DLEC1: variants seen among roughly 807,000 people sequenced by gnomAD.
The protein encoded by DLEC1 is DLEC1 cilia and flagella associated protein.
Under a neutral mutation model 198.1 loss-of-function variants are expected in DLEC1, and 146 were observed. That is an observed-to-expected ratio of 0.74 (90% confidence interval 0.64 to 0.85). The LOEUF (loss-of-function observed/expected upper bound fraction) is 0.85, where lower values mean the gene tolerates loss of function less well. Ranked by LOEUF, DLEC1 falls within the 40% of genes least tolerant of loss-of-function variation. The pLI is 0.00. For synonymous variants in DLEC1, 897 were observed against 866.8 expected (o/e 1.03, Z -0.61); for missense variants, 2,233 against 2,220.0 (o/e 1.01, Z -0.12).
chr3:38,041,847 C>CA (rs751455053), intron 1 of DLEC1, among the ~76,000 whole-genome samples: 6,919 of 71,232 alleles, frequency 0.097, 290 homozygotes, highest in Middle Eastern at 0.13. Context: ...GACTCCGTTT[C>CA]AAAAAAAAAA....
chr3:38,039,454 C>T lies in DLEC1; in HGVS notation c.229C>T (p.Pro77Ser). 1.9e-6 allele frequency: 3 copies of T among 1,613,978 alleles called. No homozygotes were observed. Among genetic ancestry groups the T allele is most frequent in the Non-Finnish European group, 2.5e-6 (3 of 1,179,864 alleles). The change falls in exon 1 of 37, where the codon CCT (proline) becomes TCT (serine). Residue 77 changes from proline to serine, a missense_variant. Transcript: ENST00000308059. ...GCTTGCGCTGGCGCAGCGTCCCGAG[C>T]CTCAGCTGCTTCGTCTGCGCCCCTC... ...TQLALAQRPEPQLLRLRPSSL... is the reference protein window; with the variant it reads ...TQLALAQRPESQLLRLRPSSL...
chr3:38,100,137 C>T (rs991265078), intron 18 of DLEC1, 149 bp from the exon 19 acceptor site: 3 of 921,414 alleles, frequency 3.3e-6, no homozygotes, highest in Non-Finnish European at 4.7e-6. Context: ...TGTGGTCCCC[C>T]ACCTGCTTGC....
At chr3:38,092,677 A>G in intron 10 of DLEC1, 113 bp from the exon 11 acceptor site, 1 of 953,786 alleles carries the variant, frequency 1.0e-6, no homozygotes, top group Non-Finnish European at 1.7e-6. Flanking sequence ...AGGGAGGGGA[A>G]CAGAGAGTGA....
At chr3:38,084,328 T>C (rs1698240215) in intron 7 of DLEC1, 83 bp downstream of exon 7, 1 of 1,231,832 alleles carries the variant, frequency 8.1e-7, no homozygotes, top group East Asian at 2.4e-5. Flanking sequence ...GTGGTGGTAG[T>C]AATGGTAGCA....
intron 8 of DLEC1, 93 bp downstream of exon 8, chr3:38,085,540 C>G: frequency 2.0e-6 from 3 of 1,489,196 alleles, no homozygotes; most frequent in Non-Finnish European, 2.7e-6. Flanking sequence ...TGTATCAGCA[C>G]ACAGCTTGGC....
intron 7 of DLEC1, 125 bp downstream of exon 7, chr3:38,084,370 T>C: frequency 6.2e-6 from 5 of 810,062 alleles, no homozygotes; most frequent in South Asian, 3.2e-5. Flanking sequence ...GTAGTAGTAG[T>C]AGTGATGGTG....
intron 10 of DLEC1, among the ~76,000 whole-genome samples, chr3:38,088,671 T>A (rs991453574): frequency 6.6e-6 from 1 of 152,210 alleles, no homozygotes; most frequent in African/African-American, 2.4e-5. Flanking sequence ...ATGTCCAAGC[T>A]GCCTCCAAGA....
chr3:38,123,271 GCACA>G lies in DLEC1; in HGVS notation c.*865_*868del. 1 of 692,422 alleles carries G rather than the reference GCACA, an allele frequency of 1.4e-6. No homozygotes were observed. Among genetic ancestry groups the G allele is most frequent in the Non-Finnish European group, 2.5e-6 (1 of 392,484 alleles). 42.9% of individuals were successfully genotyped at this position (692,422 alleles called of 1,614,324 possible). A position where few individuals can be genotyped will look rare whatever the true frequency, so the allele number is the denominator to read the frequency against. On this transcript the variant is annotated 3_prime_UTR_variant, in exon 37 of 37. Coordinates refer to ENST00000308059, the MANE Select transcript of DLEC1 (RefSeq NM_007335.4). ...AGCGGTACCCTGGCCTCCCACTTGG[GCACA>G]CACACGGTGACAGATGCCCACTGCA...
intron 5 of DLEC1, among the ~76,000 whole-genome samples, chr3:38,063,339 T>C (rs1696797574): frequency 6.6e-6 from 1 of 152,180 alleles, no homozygotes; most frequent in Non-Finnish European, 1.5e-5. Flanking sequence ...GGCATGCACC[T>C]GTGATCCCAG....
Position 38,094,883 on chromosome 3 carries a change from G to T in DLEC1, c.1924G>T (p.Val642Leu), listed in dbSNP as rs201339562. 3.5e-4 allele frequency: 565 copies of T among 1,613,814 alleles called. No individual in the cohort carries two copies. Among genetic ancestry groups the T allele is most frequent in the Non-Finnish European group, 4.5e-4 (528 of 1,179,904 alleles). Residue 642 changes from valine to leucine, a missense_variant, in exon 13 of 37, where the codon GTG becomes TTG. Coordinates refer to ENST00000308059, the MANE Select transcript of DLEC1 (RefSeq NM_007335.4). Reference protein sequence around the residue: ...KQLIIRNATHVELAFYWQIMK... With the variant: ...KQLIIRNATHLELAFYWQIMK... ...TTGGATGCGTTGCCCCCACAGGCAC[G>T]TGGAGCTGGCCTTCTACTGGCAGAT...
Position 38,112,048 on chromosome 3 carries a change from G to A in DLEC1, c.3515-162G>A, listed in dbSNP as rs1453685536. Among the ~76,000 whole-genome samples the A allele has an allele frequency of 6.6e-6, 1 of 152,168 alleles. No individual in the cohort carries two copies. The highest frequency in any genetic ancestry group is 1.5e-5 in the Non-Finnish European group (1 of 68,008). On this transcript the variant is annotated intron_variant, in intron 24 of 36. Transcript: ENST00000308059. This position sits in a 1 kb window ranked among gnomAD's most constrained non-coding sequence, Gnocchi z 4.8. ...GACCACGCAGGACCCTGAGTAGCTT[G>A]CCTCTGGATTCCAGGCTCCCAGGAG... is the stretch of plus-strand genomic sequence containing the variant.
intron 6 of DLEC1, among the ~76,000 whole-genome samples, chr3:38,065,844 C>A (rs928532744): frequency 1.4e-4 from 21 of 152,122 alleles, no homozygotes; most frequent in African/African-American, 5.1e-4. Flanking sequence ...TCTCTTAATT[C>A]TCCTTTAGTT....
chr3:38,112,408 C>T lies in DLEC1; in HGVS notation c.3666+47C>T, dbSNP rs758045278. On this transcript the variant is annotated intron_variant, in intron 25 of 36. Coordinates refer to ENST00000308059, the MANE Select transcript of DLEC1 (RefSeq NM_007335.4). The surrounding 1 kb of genome is among the most constrained non-coding windows in gnomAD (Gnocchi z 4.8). ...GTGGCCTGGGGGGTGGAGAGTCTGCCCAGCCCTCGCCTTCAGCCTCTCTCC... is the reference window on the plus strand; with the variant it reads ...GTGGCCTGGGGGGTGGAGAGTCTGCTCAGCCCTCGCCTTCAGCCTCTCTCC... 7.5e-6 allele frequency: 12 copies of T among 1,600,634 alleles called. No individual in the cohort carries two copies. The highest frequency in any genetic ancestry group is 1.0e-5 in the Non-Finnish European group (12 of 1,169,808).
rs1402581946 is a variant in DLEC1 at position 38,116,863 on chromosome 3, C to A, written c.4153C>A (p.Leu1385Met). 6.2e-7 allele frequency: 1 copy of A among 1,613,672 alleles called. No individual in the cohort carries two copies. The highest frequency in any genetic ancestry group is 8.5e-7 in the Non-Finnish European group (1 of 1,179,830). Residue 1385 changes from leucine (L) to methionine (M), a missense_variant, in exon 29 of 37, where the codon CTG becomes ATG. Leu to Met is a conservative substitution (Grantham distance 15). Coordinates refer to ENST00000308059, the MANE Select transcript of DLEC1 (RefSeq NM_007335.4). ...QAHEGVPSGHLYCISPKQVVV... is the reference protein window; with the variant it reads ...QAHEGVPSGHMYCISPKQVVV... ...ACATGAGGGGGTGCCCTCCGGCCAC[C>A]TGTACTGTATCAGCCCCAAGCAGGT... is the stretch of plus-strand genomic sequence containing the variant.
rs1330499570 is a variant in DLEC1, at chr3:38,086,240, G to C, written c.1436-1G>C. 1 of 1,607,670 alleles carries C rather than the reference G, an allele frequency of 6.2e-7. No homozygotes were observed. The highest frequency in any genetic ancestry group is 1.3e-5 in the African/African-American group (1 of 74,664). On this transcript the variant is annotated splice_acceptor_variant, in intron 8 of 36. Coordinates refer to ENST00000308059, the MANE Select transcript of DLEC1 (RefSeq NM_007335.4). LOFTEE classifies it high-confidence loss of function. ...TTGCACATGTTCTCCTGTGGCTACAGTGTCACCGGTGTTGGACTGTGGTTA... is the reference window on the plus strand; with the variant it reads ...TTGCACATGTTCTCCTGTGGCTACACTGTCACCGGTGTTGGACTGTGGTTA...
intron 2 of DLEC1, among the ~76,000 whole-genome samples, chr3:38,046,788 C>G (rs2886182): frequency 2.0e-5 from 3 of 152,038 alleles, no homozygotes; most frequent in African/African-American, 4.8e-5. Context: ...TTTTTCCCCC[C>G]CTCAGGCCCA....
At chr3:38,042,049 G>T (rs1383853464) in intron 1 of DLEC1, among the ~76,000 whole-genome samples, 1 of 151,948 alleles carries the variant, frequency 6.6e-6, no homozygotes, top group Non-Finnish European at 1.5e-5. Context: ...CTGGAGTGCA[G>T]TGCCACGATC....
chr3:38,108,665 T>C (rs1699698753), intron 21 of DLEC1, 150 bp downstream of exon 21: 6 of 669,034 alleles, frequency 9.0e-6, no homozygotes, highest in Non-Finnish European at 1.6e-5. Context: ...GGGGTCCCCA[T>C]TCCTGCTGGG....
Position 38,109,616 on chromosome 3 carries a change from C to G in DLEC1, c.3260+54C>G. 5 of 1,610,296 alleles carry G rather than the reference C, an allele frequency of 3.1e-6. No homozygotes were observed. The South Asian group carries it at 5.5e-5, about 18-fold the overall frequency. On this transcript the variant is annotated intron_variant, in intron 22 of 36. Transcript: ENST00000308059. ...GGCAGTGGACTGAGGAATGAGGCAGCCGCGCCCAGGACCAGCACGGCACTG... is the reference window on the plus strand; with the variant it reads ...GGCAGTGGACTGAGGAATGAGGCAGGCGCGCCCAGGACCAGCACGGCACTG...
Sources: gnomAD v4.1 joint callset for allele counts (sites outside exome capture counted in the v4.1 genomes callset) on GRCh38, gnomAD v4.1.1 for gene constraint, Gnocchi (gnomAD v3.1) non-coding constraint, MANE v1.5 for transcripts, NCBI Gene and HGNC (gene_info 2026-07-23, HGNC 2026-07-21) for gene names.